The following MYL6 variants were observed in gnomAD, a reference collection of about 807,000 sequenced individuals.
MYL6 encodes the protein myosin light chain 6.
Under a neutral mutation model 20.3 loss-of-function variants are expected in MYL6, and 20 were observed. The ratio of observed to expected loss-of-function variants is 0.98; its 90% confidence interval spans 0.69 to 1.43. The LOEUF (loss-of-function observed/expected upper bound fraction) is 1.43, where lower values mean the gene tolerates loss of function less well. Among genes scored for constraint, MYL6 ranks in the 40% most tolerant of loss-of-function variants. The pLI is 0.00. For missense variants in MYL6, 164 were observed against 191.0 expected, an observed-to-expected ratio of 0.86 and a Z score of 0.83; for synonymous variants, 77 against 72.4, an observed-to-expected ratio of 1.06 and a Z score of -0.32.
Position 56,161,398 on chromosome 12 carries a change from A to G in MYL6, c.*28A>G, listed in dbSNP as rs150471867. The stretch of plus-strand genomic sequence containing the variant: ...TTTCCTTTCCACAGAGCTCGTCCGC[A>G]TGGTGCTGAATGGCTGAGGACCTTC... On this transcript the variant is annotated 3_prime_UTR_variant, in exon 7 of 7. Coordinates refer to ENST00000550697, the MANE Select transcript of MYL6 (RefSeq NM_021019.5). The G allele has an allele frequency of 1.9e-4, 302 of 1,614,076 alleles. No homozygotes were observed. The African/African-American group carries it at 3.4e-3, about 18-fold the overall frequency.
At chr12:56,158,772 C>T (rs373701693) in intron 2 of MYL6, 61 bp downstream of exon 2, 19 of 1,597,546 alleles carry the variant, frequency 1.2e-5, no homozygotes, top group African/African-American at 4.0e-5. Flanking sequence ...CTCCCCCCAG[C>T]ACCTATCCTC....
intron 2 of MYL6, 128 bp from the exon 3 acceptor site, chr12:56,159,459 T>G: frequency 7.9e-7 from 1 of 1,264,994 alleles, no homozygotes; most frequent in South Asian, 1.4e-5. Context: ...TTAAGTAGAC[T>G]TTGGTGTACA....
In MYL6 at chr12:56,160,082, G is replaced by A. The variant is rs2136915766; in HGVS notation, c.283G>A (p.Val95Met). The change falls in exon 4 of 7, where the codon GTG (valine) becomes ATG (methionine). Residue 95 changes from valine (V) to methionine (M), a missense_variant. Coordinates refer to ENST00000550697, the MANE Select transcript of MYL6 (RefSeq NM_021019.5). The part of the protein sequence containing the change: ...TYEDYVEGLR[V>M]FDKEGNGTVM... ...TGAGGATTATGTCGAAGGACTTCGG[G>A]TGTTTGACAAGGAAGGAAATGGCAC... The A allele has an allele frequency of 6.2e-7, 1 of 1,614,200 alleles. No individual in the cohort carries two copies. The highest frequency in any genetic ancestry group is 8.5e-7 in the Non-Finnish European group (1 of 1,180,038).
At chr12:56,160,858 CCTT>C in intron 6 of MYL6, 188 bp downstream of exon 6, 1 of 644,188 alleles carries the variant, frequency 1.6e-6, no homozygotes, top group Non-Finnish European at 2.7e-6. Context: ...TACAGTACCT[CCTT>C]ACCTCTAGAA....
Position 56,160,167 on chromosome 12 carries a change from G to A in MYL6, c.349+19G>A. 1.2e-6 allele frequency: 2 copies of A among 1,613,808 alleles called. No homozygotes were observed. The highest frequency in any genetic ancestry group is 1.7e-6 in the Non-Finnish European group (2 of 1,179,782). Reference sequence around the variant, plus strand: ...ACACTGGGTAAGGTTCTGTGTCCTTGTCCTTGAGCTGAGATGGCACCCTGA... The same window carrying A: ...ACACTGGGTAAGGTTCTGTGTCCTTATCCTTGAGCTGAGATGGCACCCTGA... On this transcript the variant is annotated intron_variant, in intron 4 of 6. Transcript: ENST00000550697.
intron 2 of MYL6, 172 bp from the exon 3 acceptor site, chr12:56,159,415 C>T: frequency 1.2e-6 from 1 of 854,094 alleles, no homozygotes; most frequent in Middle Eastern, 3.7e-4. Flanking sequence ...CTATATAGAA[C>T]ACTTGAGTTG....
At chr12:56,160,724 C>G in intron 6 of MYL6, 54 bp downstream of exon 6, 1 of 1,578,210 alleles carries the variant, frequency 6.3e-7, no homozygotes, top group Non-Finnish European at 8.7e-7. Flanking sequence ...TTTCTTTTTT[C>G]CCCAACCTGT....
At chr12:56,159,030 T>G (rs1565883129) in intron 2 of MYL6, 2 of 972,148 alleles carry the variant, frequency 2.1e-6, no homozygotes, top group African/African-American at 3.4e-5. Flanking sequence ...TGTCCTTTAA[T>G]CAGCTACTTC....
At chr12:56,159,346 C>T (rs893845586) in intron 2 of MYL6, 7 of 487,100 alleles carry the variant, frequency 1.4e-5, no homozygotes, top group African/African-American at 1.2e-4. Context: ...GCAGGCCTGC[C>T]GCAGGCAGAG....
At chr12:56,160,582 G>C in intron 5 of MYL6, 44 bp from the exon 6 acceptor site, 1 of 1,609,876 alleles carries the variant, frequency 6.2e-7, no homozygotes, top group South Asian at 1.1e-5. Flanking sequence ...CTCACCCCAT[G>C]TCTTTGTCTT....
At position 56,160,161 on chromosome 12, in the gene MYL6, G is replaced by C; in HGVS notation, c.349+13G>C. On this transcript the variant is annotated intron_variant, in intron 4 of 6. Coordinates refer to ENST00000550697, the MANE Select transcript of MYL6 (RefSeq NM_021019.5). ...CTTGTCACACTGGGTAAGGTTCTGT[G>C]TCCTTGTCCTTGAGCTGAGATGGCA... 1 of 1,613,834 alleles carries C rather than the reference G, an allele frequency of 6.2e-7. No homozygotes were observed. Among genetic ancestry groups the C allele is most frequent in the East Asian group, 2.2e-5 (1 of 44,870 alleles).
At chr12:56,159,178 C>T (rs1871539622) in intron 2 of MYL6, 1 of 282,544 alleles carries the variant, frequency 3.5e-6, no homozygotes, top group Admixed American at 4.9e-5. Flanking sequence ...TGTAGCTATA[C>T]CCTCTGGAAG....
intron 2 of MYL6, 167 bp from the exon 3 acceptor site, chr12:56,159,420 G>C (rs1871564861): frequency 1.1e-6 from 1 of 892,038 alleles, no homozygotes; most frequent in Non-Finnish European, 1.7e-6. Context: ...TAGAACACTT[G>C]AGTTGGGAGG....
chr12:56,158,452 G>A lies in MYL6; in HGVS notation c.3+48G>A, dbSNP rs778930157. 12 of 1,553,930 alleles carry A rather than the reference G, an allele frequency of 7.7e-6. No homozygotes were observed. The East Asian group carries it at 2.5e-4, about 32-fold the overall frequency. On this transcript the variant is annotated intron_variant, in intron 1 of 6. Coordinates refer to ENST00000550697, the MANE Select transcript of MYL6 (RefSeq NM_021019.5). ...CGGGCAGGATTGGGGACGAGAGGCA[G>A]GAAGAGACGGGTGGGGGGCGAGGAG...
intron 3 of MYL6, 103 bp downstream of exon 3, chr12:56,159,833 G>GGATTAGCAAATCCCATGGATTTCCTT: frequency 6.5e-7 from 1 of 1,533,146 alleles, no homozygotes; most frequent in Non-Finnish European, 8.8e-7. Flanking sequence ...AAGCAAGTCT[G>GGATTAGCAAATCCCATGGATTTCCTT]GATTAGCAAA....
In MYL6 at chr12:56,158,414, A is replaced by C; in HGVS notation, c.3+10A>C. 1 of 1,530,162 alleles carries C rather than the reference A, an allele frequency of 6.5e-7. No homozygotes were observed. The highest frequency in any genetic ancestry group is 1.3e-5 in the South Asian group (1 of 77,178). The allele number at this position is 1,530,162 out of a possible 1,614,324, so 94.8% of individuals were successfully genotyped here. ...CTGAGCAGTCAAGATGGTGGGGCCC[A>C]GGTCTTGGGAGACGGGCAGGATTGG... On this transcript the variant is annotated intron_variant, in intron 1 of 6. Transcript: ENST00000550697.
intron 1 of MYL6, 38 bp downstream of exon 1, chr12:56,158,442 A>G: frequency 6.5e-7 from 1 of 1,548,072 alleles, no homozygotes; most frequent in Non-Finnish European, 8.7e-7. Context: ...AGGATTGGGG[A>G]CGAGAGGCAG....
chr12:56,159,927 A>C (rs1356979662), intron 3 of MYL6, 48 bp from the exon 4 acceptor site: 1 of 1,576,874 alleles, frequency 6.3e-7, no homozygotes, highest in African/African-American at 1.4e-5. Flanking sequence ...CTGTCCTGAG[A>C]ACTTGTGTTA....
At chr12:56,160,872 T>A in intron 6 of MYL6, 2 of 620,372 alleles carry the variant, frequency 3.2e-6, no homozygotes, top group East Asian at 5.5e-5. Context: ...ACCTCTAGAA[T>A]GGGCCCTGAG....
Sources: gnomAD v4.1 joint callset for allele counts on GRCh38, gnomAD v4.1.1 for gene constraint, MANE v1.5 for transcripts, NCBI Gene and HGNC (gene_info 2026-07-23, HGNC 2026-07-21) for gene names.